Variants in TMEM245 observed in about 807,000 individuals in gnomAD.
TMEM245 encodes protein CG-2.
In TMEM245, 69 loss-of-function variants were observed where a neutral mutation model predicts 101.2. The ratio of observed to expected loss-of-function variants is 0.68; its 90% CI spans 0.56 to 0.83. The LOEUF (loss-of-function observed/expected upper bound fraction) is 0.83, where lower values mean the gene tolerates loss of function less well. Among genes scored for constraint, TMEM245 ranks in the 40% least tolerant of loss-of-function variants. The pLI is 0.00. For synonymous variants in TMEM245, 537 were observed against 449.8 expected (o/e 1.19, Z -2.45); for missense variants, 1,075 against 1,092.8 (o/e 0.98, Z 0.23).
At chr9:109,075,710 G>A (rs1564193438) in intron 8 of TMEM245, among the ~76,000 whole-genome samples, 1 of 152,148 alleles carries the variant, frequency 6.6e-6, no homozygotes, top group Non-Finnish European at 1.5e-5. Flanking sequence ...TTTTGTACTT[G>A]ATATTGGTAA....
intron 17 of TMEM245, among the ~76,000 whole-genome samples, chr9:109,029,615 G>A (rs917519157): frequency 2.6e-5 from 4 of 152,100 alleles, no homozygotes; most frequent in South Asian, 2.1e-4. Flanking sequence ...ATATTTTCCC[G>A]AAAATCTATA....
At chr9:109,101,496 G>A (rs1564207264) in intron 3 of TMEM245, among the ~76,000 whole-genome samples, 1 of 152,078 alleles carries the variant, frequency 6.6e-6, no homozygotes, top group Non-Finnish European at 1.5e-5. Flanking sequence ...AAAAAGAAAC[G>A]ATGTTCTTAG....
At chr9:109,090,752 C>G (rs1332096888) in intron 5 of TMEM245, among the ~76,000 whole-genome samples, 170 bp downstream of exon 5, 6 of 150,794 alleles carry the variant, frequency 4.0e-5, no homozygotes, top group African/African-American at 1.5e-4. Flanking sequence ...AAAGATGTAT[C>G]AAAGTAATAA....
chr9:109,070,849 C>T (rs138484773), intron 9 of TMEM245, among the ~76,000 whole-genome samples: 1 of 152,194 alleles, frequency 6.6e-6, no homozygotes, highest in East Asian at 1.9e-4. Context: ...ACCATTTGGG[C>T]TTTTTGTCTG....
chr9:109,099,917 T>C (rs1449383391), intron 3 of TMEM245, among the ~76,000 whole-genome samples: 2 of 152,204 alleles, frequency 1.3e-5, no homozygotes, highest in African/African-American at 4.8e-5. Flanking sequence ...CCCAGCCATC[T>C]CTTGCTCGCC....
At chr9:109,069,970 T>C (rs751107993) in intron 9 of TMEM245, among the ~76,000 whole-genome samples, 2 of 152,230 alleles carry the variant, frequency 1.3e-5, no homozygotes, top group African/African-American at 2.4e-5. Context: ...CAATTTGACA[T>C]TGCTGACCAC....
intron 10 of TMEM245, among the ~76,000 whole-genome samples, chr9:109,061,385 C>A (rs1035448716): frequency 6.6e-6 from 1 of 152,108 alleles, no homozygotes; most frequent in African/African-American, 2.4e-5. Context: ...CAATTGTTTC[C>A]ATTTTTCTAT....
intron 1 of TMEM245, among the ~76,000 whole-genome samples, chr9:109,114,429 G>A (rs951434517): frequency 6.6e-6 from 1 of 152,148 alleles, no homozygotes; most frequent in Non-Finnish European, 1.5e-5. Flanking sequence ...ATAGAACATC[G>A]TGAAATCTTA....
chr9:109,090,288 T>C (rs1265439159), intron 5 of TMEM245, among the ~76,000 whole-genome samples: 3 of 151,770 alleles, frequency 2.0e-5, no homozygotes, highest in African/African-American at 7.3e-5. Context: ...TCATTCGATC[T>C]TCAAATTCCA....
intron 14 of TMEM245, among the ~76,000 whole-genome samples, chr9:109,045,558 C>T (rs758511194): frequency 3.5e-4 from 54 of 152,288 alleles, no homozygotes; most frequent in Admixed American, 9.2e-4. Context: ...ATTGTGGATG[C>T]TTACTCTAAT....
At chr9:109,107,758 T>C (rs1249637517) in intron 2 of TMEM245, among the ~76,000 whole-genome samples, 1 of 152,202 alleles carries the variant, frequency 6.6e-6, no homozygotes, top group Non-Finnish European at 1.5e-5. Flanking sequence ...AGTGTTTCCA[T>C]TGGCTCAAAC....
chr9:109,080,955 C>T lies in TMEM245; in HGVS notation c.1345-12G>A, dbSNP rs371208594. ...AACCAGATGATCATCTGCACAAAAA[C>T]GAAAAAGAGAATTACTTATCTTTAA... On this transcript the variant is annotated splice_polypyrimidine_tract_variant and intron_variant, in intron 7 of 17. Coordinates refer to ENST00000374586, the MANE Select transcript of TMEM245 (RefSeq NM_032012.4). 1.7e-5 allele frequency: 25 copies of T among 1,500,336 alleles called. No homozygotes were observed. The highest frequency in any genetic ancestry group is 3.6e-4 in the Middle Eastern group (2 of 5,488). 92.9% of individuals were successfully genotyped at this position (1,500,336 alleles called of 1,614,324 possible).
At chr9:109,088,358 G>A (rs1829900942) in intron 5 of TMEM245, among the ~76,000 whole-genome samples, 1 of 152,060 alleles carries the variant, frequency 6.6e-6, no homozygotes, top group African/African-American at 2.4e-5. Context: ...AAGCTTTTAG[G>A]GGCCACCTTA....
At chr9:109,057,944 T>TTA (rs1828891657) in intron 11 of TMEM245, among the ~76,000 whole-genome samples, 2 of 147,016 alleles carry the variant, frequency 1.4e-5, no homozygotes, top group South Asian at 4.3e-4. Context: ...TTTTTTTTTT[T>TTA]AGTTTTTAGG....
At chr9:109,077,548 G>A (rs559925458) in intron 8 of TMEM245, among the ~76,000 whole-genome samples, 52 of 152,096 alleles carry the variant, frequency 3.4e-4, no homozygotes, top group Non-Finnish European at 7.2e-4. Context: ...TCATAGATTT[G>A]TTTATTTCTC....
intron 1 of TMEM245, among the ~76,000 whole-genome samples, chr9:109,119,100 A>G (rs1371897773): frequency 6.6e-6 from 1 of 152,224 alleles, no homozygotes; most frequent in Non-Finnish European, 1.5e-5. Flanking sequence ...AAGAGGGCCT[A>G]TTAGGATTGA....
intron 10 of TMEM245, among the ~76,000 whole-genome samples, 195 bp downstream of exon 10, chr9:109,064,282 C>A (rs1012772885): frequency 6.6e-6 from 1 of 152,214 alleles, no homozygotes; most frequent in Admixed American, 6.5e-5. Context: ...ACATGACCAA[C>A]CTCTCAGATT....
In TMEM245 at chr9:109,036,278, G is replaced by A. The variant is rs1828120750; in HGVS notation, c.2327C>T (p.Ala776Val). The change falls in exon 16 of 18, where the codon GCC (alanine) becomes GTC (valine). Residue 776 changes from alanine to valine, a missense_variant. Ala to Val is a moderately conservative substitution (Grantham distance 64). This residue lies in a region of TMEM245 where 267 missense variants were observed against 351.3 expected (regional missense o/e 0.76). Transcript: ENST00000374586. ...GAGATGAAAAATCAACAGTAAAATG[G>A]CCTTGCATCCTAACCCTTGTGTCAG... The part of the protein sequence containing the change: ...LWLTQGLGCK[A>V]ILLLIFHLLP... The A allele has an allele frequency of 6.2e-7, 1 of 1,613,810 alleles. No individual in the cohort carries two copies. Among genetic ancestry groups the A allele is most frequent in the African/African-American group, 1.3e-5 (1 of 74,992 alleles).
Position 109,064,521 on chromosome 9 carries a change from C to T in TMEM245, c.1579G>A (p.Ala527Thr), listed in dbSNP as rs1829106644. The change falls in exon 10 of 18, where the codon GCT (alanine) becomes ACT (threonine). Residue 527 changes from alanine (A) to threonine (T), a missense_variant. Transcript: ENST00000374586. Reference protein sequence around the residue: ...QVVQRALNSAANNVYQYGREW... With the variant: ...QVVQRALNSATNNVYQYGREW... ...CGTCCATACTGATACACGTTGTTAG[C>T]CGCAGAATTCAGGGCTCTTTGGACT... 6.2e-7 allele frequency: 1 copy of T among 1,613,864 alleles called. No individual in the cohort carries two copies. Among genetic ancestry groups the T allele is most frequent in the Non-Finnish European group, 8.5e-7 (1 of 1,179,896 alleles).
Sources: allele counts gnomAD v4.1 joint callset (sites outside exome capture counted in the v4.1 genomes callset), GRCh38; gene constraint gnomAD v4.1.1; regional missense constraint gnomAD v4.1.1; transcripts MANE v1.5; gene names NCBI Gene and HGNC (gene_info 2026-07-23, HGNC 2026-07-21).